DYNAP: variants seen among roughly 807,000 people sequenced by gnomAD.
DYNAP encodes the protein dynactin associated protein.
A neutral mutation model predicts 8.5 loss-of-function variants in DYNAP; 7 were observed. The ratio of observed to expected loss-of-function variants is 0.82; its 90% CI spans 0.47 to 1.54. DYNAP has a LOEUF of 1.54. Ranked by LOEUF, DYNAP falls within the 40% of genes most tolerant of loss-of-function variation. The probability of loss-of-function intolerance (pLI) is 0.01; values close to 1 mark genes in which losing one functional copy is unlikely to be tolerated. For synonymous variants in DYNAP, 77 were observed against 77.9 expected, an observed-to-expected ratio of 0.99 and a Z score of 0.06; for missense variants, 256 against 224.3, an observed-to-expected ratio of 1.14 and a Z score of -0.90.
Position 54,597,991 on chromosome 18 carries a change from T to A in DYNAP, c.401T>A (p.Val134Asp). ...LSTNDGECVT[V>D]KPGTPSPACP... ...ACAAATGATGGAGAGTGTGTGACTG[T>A]CAAACCTGGAACACCCTCTCCTGCT... The change falls in exon 3 of 3, where the codon GTC becomes GAC. Residue 134 changes from valine to aspartate, a missense_variant. Transcript: ENST00000648945. 6.2e-7 allele frequency: 1 copy of A among 1,613,516 alleles called. No individual in the cohort carries two copies. Among genetic ancestry groups the A allele is most frequent in the Non-Finnish European group, 8.5e-7 (1 of 1,179,742 alleles).
chr18:54,578,554 CA>C, the DYNAP span, among the ~76,000 whole-genome samples: 1 of 152,120 alleles, frequency 6.6e-6, no homozygotes, highest in Non-Finnish European at 1.5e-5. Flanking sequence ...GTGATACTGG[CA>C]GCTCAAAAAT....
At chr18:54,592,217 T>TGGTCA (rs34888900) in intron 1 of DYNAP, among the ~76,000 whole-genome samples, 12,331 of 152,058 alleles carry the variant, frequency 0.081, 800 homozygotes, top group African/African-American at 0.18. Flanking sequence ...GAAGTCTGCT[T>TGGTCA]GGTCAGTTGC....
chr18:54,585,916 C>T (rs1261285643), upstream of DYNAP, among the ~76,000 whole-genome samples: 3 of 152,154 alleles, frequency 2.0e-5, no homozygotes, highest in Non-Finnish European at 2.9e-5. Context: ...GCTTGGTTTG[C>T]ACTGCCCACT....
chr18:54,577,618 A>C, the DYNAP span, among the ~76,000 whole-genome samples: 2 of 151,482 alleles, frequency 1.3e-5, no homozygotes, highest in African/African-American at 4.9e-5. Flanking sequence ...AAAAAAAAAA[A>C]AAACACAAAC....
Position 54,599,416 on chromosome 18 carries a change from A to T in DYNAP, c.*1271A>T, listed in dbSNP as rs1484560892. On this transcript the variant is annotated 3_prime_UTR_variant, in exon 3 of 3. Coordinates refer to ENST00000648945, the MANE Select transcript of DYNAP (RefSeq NM_173629.3). ...TACTCGCCACACTGGCTCTTCCCCA[A>T]AATTGAAATTGTACAATATGTGAGT... 1 of 152,194 alleles carries T rather than the reference A, an allele frequency of 6.6e-6. No individual in the cohort carries two copies. The highest frequency in any genetic ancestry group is 2.1e-4 in the South Asian group (1 of 4,822). 9.4% of individuals were successfully genotyped at this position (152,194 alleles called of 1,614,324 possible).
In DYNAP at chr18:54,598,263, T is replaced by A; in HGVS notation, c.*118T>A. On this transcript the variant is annotated 3_prime_UTR_variant, in exon 3 of 3. Transcript: ENST00000648945. Reference sequence around the variant, plus strand: ...AGTGGAATCATGGCTGCAGTCACTTTAACAGACTCTATAACCGTTACAACT... The same window carrying A: ...AGTGGAATCATGGCTGCAGTCACTTAAACAGACTCTATAACCGTTACAACT... 3 of 1,062,420 alleles carry A rather than the reference T, an allele frequency of 2.8e-6. No individual in the cohort carries two copies. Among genetic ancestry groups the A allele is most frequent in the Non-Finnish European group, 4.0e-6 (3 of 745,040 alleles). 65.8% of individuals were successfully genotyped at this position (1,062,420 alleles called of 1,614,324 possible). A position where few individuals can be genotyped will look rare whatever the true frequency, so the allele number is the denominator to read the frequency against.
At position 54,599,091 on chromosome 18, in the gene DYNAP, T is replaced by C. The variant is rs1301537457; in HGVS notation, c.*946T>C. Reference sequence around the variant, plus strand: ...CAATGTATTTCTTAAATGTATTTGATTGATGTCTCATGTCTCCCTAAAAAT... The same window carrying C: ...CAATGTATTTCTTAAATGTATTTGACTGATGTCTCATGTCTCCCTAAAAAT... On this transcript the variant is annotated 3_prime_UTR_variant, in exon 3 of 3. Coordinates refer to ENST00000648945, the MANE Select transcript of DYNAP (RefSeq NM_173629.3). 6.6e-6 allele frequency: 1 copy of C among 152,174 alleles called. No homozygotes were observed. The highest frequency in any genetic ancestry group is 1.9e-4 in the East Asian group (1 of 5,202). 9.4% of individuals were successfully genotyped at this position (152,174 alleles called of 1,614,324 possible).
upstream of DYNAP, among the ~76,000 whole-genome samples, chr18:54,588,191 A>AT (rs1910948312): frequency 6.6e-6 from 1 of 151,066 alleles, no homozygotes; most frequent in African/African-American, 2.5e-5. Context: ...GGCACTCAAT[A>AT]AACAGTTGGG....
Position 54,599,226 on chromosome 18 carries a change from A to G in DYNAP, c.*1081A>G, listed in dbSNP as rs1368636792. 1 of 152,110 alleles carries G rather than the reference A, an allele frequency of 6.6e-6. No individual in the cohort carries two copies. The highest frequency in any genetic ancestry group is 2.4e-5 in the African/African-American group (1 of 41,436). 9.4% of individuals were successfully genotyped at this position (152,110 alleles called of 1,614,324 possible). Reference sequence around the variant, plus strand: ...ATATTTGGCTCAGAATTAATCTCTTAAAATATTTTACAGAGTTTGACTCTT... The same window carrying G: ...ATATTTGGCTCAGAATTAATCTCTTGAAATATTTTACAGAGTTTGACTCTT... On this transcript the variant is annotated 3_prime_UTR_variant, in exon 3 of 3. Coordinates refer to ENST00000648945, the MANE Select transcript of DYNAP (RefSeq NM_173629.3).
chr18:54,591,406 A>C, intron 1 of DYNAP, 67 bp downstream of exon 1: 1 of 1,526,934 alleles, frequency 6.5e-7, no homozygotes, highest in East Asian at 2.3e-5. Flanking sequence ...ATTTAAAAGC[A>C]GTTTAATCTC....
chr18:54,579,131 C>G, the DYNAP span, among the ~76,000 whole-genome samples: 1 of 152,174 alleles, frequency 6.6e-6, no homozygotes, highest in East Asian at 1.9e-4. Flanking sequence ...CTCAACTATT[C>G]TCTAAAAATC....
chr18:54,598,046 T>C lies in DYNAP; in HGVS notation c.456T>C (p.Thr152=). Residue 152 remains threonine, a synonymous_variant, in exon 3 of 3, where the codon ACT becomes ACC. Coordinates refer to ENST00000648945, the MANE Select transcript of DYNAP (RefSeq NM_173629.3). ...CACCTACAATGACCACCACTTCAAC[T>C]GTACCTGCAAGTACAGCCACTGAAT... ...ACPPTMTTTS[T]VPASTATEST... 1 of 1,613,274 alleles carries C rather than the reference T, an allele frequency of 6.2e-7. No homozygotes were observed. Among genetic ancestry groups the C allele is most frequent in the Non-Finnish European group, 8.5e-7 (1 of 1,179,550 alleles).
chr18:54,575,759 A>G, the DYNAP span, among the ~76,000 whole-genome samples: 1 of 151,596 alleles, frequency 6.6e-6, no homozygotes, highest in Non-Finnish European at 1.5e-5. Context: ...TTTATTTTTC[A>G]TTTTTTACTG....
chr18:54,575,998 G>A, the DYNAP span, among the ~76,000 whole-genome samples: 1 of 151,992 alleles, frequency 6.6e-6, no homozygotes, highest in Non-Finnish European at 1.5e-5. Flanking sequence ...TTCATATATT[G>A]AAATCATACG....
Position 54,594,950 on chromosome 18 carries a change from T to A in DYNAP, c.69T>A (p.His23Gln). ...EHSENQPPIT[H>Q]PNDQEAHSSI... ...CTCTGCCTTTGTAGCCAATCACACA[T>A]CCAAATGACCAAGAGGCTCACAGTT... is the stretch of plus-strand genomic sequence containing the variant. The change falls in exon 2 of 3, where the codon CAT becomes CAA. Residue 23 changes from histidine (H) to glutamine (Q), a missense_variant. Physicochemically the swap from His to Gln is conservative, Grantham distance 24 (BLOSUM62 0). Transcript: ENST00000648945. 6.2e-7 allele frequency: 1 copy of A among 1,610,674 alleles called. No individual in the cohort carries two copies. Among genetic ancestry groups the A allele is most frequent in the Non-Finnish European group, 8.5e-7 (1 of 1,178,216 alleles).
the DYNAP span, among the ~76,000 whole-genome samples, chr18:54,577,223 T>C: frequency 6.6e-6 from 1 of 152,154 alleles, no homozygotes; most frequent in Non-Finnish European, 1.5e-5. Flanking sequence ...GGTTTATATA[T>C]TACTGTGCAG....
the DYNAP span, among the ~76,000 whole-genome samples, chr18:54,581,346 T>C: frequency 6.6e-6 from 1 of 152,346 alleles, no homozygotes; most frequent in East Asian, 1.9e-4. Flanking sequence ...TGCAAGATAA[T>C]CACTAAAATA....
intron 2 of DYNAP, among the ~76,000 whole-genome samples, chr18:54,595,400 G>T (rs1402945506): frequency 6.6e-6 from 1 of 152,096 alleles, no homozygotes; most frequent in Non-Finnish European, 1.5e-5. Context: ...CAAATGCAAG[G>T]TTAGGGAGGG....
At chr18:54,593,915 C>G (rs2144888970) in intron 1 of DYNAP, among the ~76,000 whole-genome samples, 1 of 152,176 alleles carries the variant, frequency 6.6e-6, no homozygotes, top group Admixed American at 6.6e-5. Flanking sequence ...GCCTGGGTTA[C>G]AGAGAGAGAT....
Sources: gnomAD v4.1 joint callset for allele counts (sites outside exome capture counted in the v4.1 genomes callset) on GRCh38, gnomAD v4.1.1 for gene constraint, MANE v1.5 for transcripts, NCBI Gene and HGNC (gene_info 2026-07-23, HGNC 2026-07-21) for gene names.